Variants in HENMT1 observed in about 807,000 individuals in gnomAD.
HENMT1 encodes small RNA 2'-O-methyltransferase.
A neutral mutation model predicts 31.1 loss-of-function variants in HENMT1; 27 were observed. The observed-to-expected ratio is 0.87, with a 90% CI of 0.64 to 1.20. The LOEUF (loss-of-function observed/expected upper bound fraction) is 1.20, where lower values mean the gene tolerates loss of function less well. Ranked by LOEUF, HENMT1 falls within the 50% of genes most tolerant of loss-of-function variation. The pLI is 0.00. For synonymous variants in HENMT1, 167 were observed against 172.2 expected (o/e 0.97, Z 0.24); for missense variants, 438 against 469.6 (o/e 0.93, Z 0.62).
At chr1:108,660,121 C>CAAAAAAAAAA (rs34387673) in intron 1 of HENMT1, among the ~76,000 whole-genome samples, 159 bp from the exon 2 acceptor site, 2 of 125,972 alleles carry the variant, frequency 1.6e-5, no homozygotes, top group Admixed American at 8.0e-5. Flanking sequence ...TCTGAGTACT[C>CAAAAAAAAAA]AAAAAAAAAA....
intron 1 of HENMT1, among the ~76,000 whole-genome samples, chr1:108,660,383 T>A (rs1306352523): frequency 6.6e-6 from 1 of 152,110 alleles, no homozygotes; most frequent in Admixed American, 6.5e-5. Context: ...AACGGAGCAA[T>A]CTTAGGAGTT....
rs1657948455 is a variant in HENMT1 at position 108,648,656 on chromosome 1, T to C, written c.1092A>G (p.Ser364=). ...TCAGAGGAATTGAGTCAGCAATGAC[T>C]GATCTCATCATCTCTTCATTAGCAC... is the stretch of plus-strand genomic sequence containing the variant. The part of the protein sequence containing the change: ...RLCANEEMMR[S]VIADSIPLSS... The change falls in exon 8 of 8, where the codon TCA becomes TCG. Residue 364 remains serine (S), a synonymous_variant. Transcript: ENST00000651461. 2 of 1,614,224 alleles carry C rather than the reference T, an allele frequency of 1.2e-6. No individual in the cohort carries two copies. Among genetic ancestry groups the C allele is most frequent in the East Asian group, 2.2e-5 (1 of 44,890 alleles).
At chr1:108,659,625 A>C (rs1284825976) in intron 2 of HENMT1, among the ~76,000 whole-genome samples, 1 of 152,190 alleles carries the variant, frequency 6.6e-6, no homozygotes, top group Non-Finnish European at 1.5e-5. Flanking sequence ...AACACTACTT[A>C]GAGTGTTTTT....
In HENMT1 at chr1:108,659,960, C is replaced by A; in HGVS notation, c.-76G>T. The A allele has an allele frequency of 6.6e-7, 1 of 1,508,828 alleles. No homozygotes were observed. Among genetic ancestry groups the A allele is most frequent in the Non-Finnish European group, 8.8e-7 (1 of 1,130,768 alleles). 93.5% of individuals were successfully genotyped at this position (1,508,828 alleles called of 1,614,324 possible). On this transcript the variant is annotated splice_region_variant and 5_prime_UTR_variant, in exon 2 of 8. Transcript: ENST00000651461. ...CTATTTGAGAGAATCAGCACTGACT[C>A]AGCTGTAATAAATACAAAACCGTTT...
At chr1:108,649,902 C>T (rs145222405) in intron 7 of HENMT1, 6 of 418,616 alleles carry the variant, frequency 1.4e-5, no homozygotes, top group African/African-American at 1.0e-4. Flanking sequence ...AATCTTTCTA[C>T]CTTGGCCTCC....
At chr1:108,650,528 AC>A in intron 6 of HENMT1, 140 bp from the exon 7 acceptor site, 1 of 729,532 alleles carries the variant, frequency 1.4e-6, no homozygotes, top group African/African-American at 1.8e-5. Context: ...ATTCCTAACC[AC>A]CAGTGTATTT....
intron 2 of HENMT1, among the ~76,000 whole-genome samples, chr1:108,658,445 AAGAG>A (rs951471252): frequency 5.3e-5 from 8 of 151,930 alleles, no homozygotes; most frequent in African/African-American, 1.7e-4. Flanking sequence ...CACTCTTTTT[AAGAG>A]AGAGAGAGGA....
At chr1:108,650,445 A>C in intron 6 of HENMT1, 57 bp from the exon 7 acceptor site, 1 of 1,465,450 alleles carries the variant, frequency 6.8e-7, no homozygotes, top group East Asian at 2.3e-5. Context: ...ACTGTTAAAT[A>C]AGGAACCATT....
intron 5 of HENMT1, among the ~76,000 whole-genome samples, chr1:108,652,482 A>T (rs1658085327): frequency 6.6e-6 from 1 of 152,232 alleles, no homozygotes; most frequent in Non-Finnish European, 1.5e-5. Context: ...AATTCCTTGG[A>T]CCATTCCTGC....
chr1:108,658,620 T>C (rs1658342579), intron 2 of HENMT1, among the ~76,000 whole-genome samples: 2 of 152,186 alleles, frequency 1.3e-5, no homozygotes, highest in South Asian at 4.1e-4. Context: ...GCCATCTTCT[T>C]GAATAGACCT....
At chr1:108,657,634 TTAAA>T in intron 2 of HENMT1, 55 bp from the exon 3 acceptor site, 1 of 1,550,470 alleles carries the variant, frequency 6.4e-7, no homozygotes, top group African/African-American at 1.4e-5. Context: ...ACTTCAGAAA[TTAAA>T]TAAGGGGCAA....
intron 7 of HENMT1, 156 bp downstream of exon 7, chr1:108,650,055 G>C (rs779088424): frequency 2.7e-6 from 2 of 736,266 alleles, no homozygotes; most frequent in Admixed American, 3.9e-5. Flanking sequence ...AGGCTAACTC[G>C]GACAGTAGTC....
In HENMT1 at chr1:108,651,118, T is replaced by A; in HGVS notation, c.490A>T (p.Asn164Tyr). Residue 164 changes from asparagine to tyrosine, a missense_variant, in exon 6 of 8, where the codon AAC becomes TAC. Asn to Tyr is a moderately radical substitution (Grantham distance 143). Coordinates refer to ENST00000651461, the MANE Select transcript of HENMT1 (RefSeq NM_001102592.2). ...GGAAACAGGGGATTGAATTCAGAGT[T>A]TGGTGTGCTGATGACAATCATGGAT... ...SPSMIVISTPNSEFNPLFPSV... is the reference protein window; with the variant it reads ...SPSMIVISTPYSEFNPLFPSV... 1 of 1,613,924 alleles carries A rather than the reference T, an allele frequency of 6.2e-7. No homozygotes were observed. The highest frequency in any genetic ancestry group is 8.5e-7 in the Non-Finnish European group (1 of 1,179,804).
rs1373123412 is a variant in HENMT1, at chr1:108,648,613, C to A, written c.1135G>T (p.Val379Leu). 2 of 1,614,122 alleles carry A rather than the reference C, an allele frequency of 1.2e-6. No individual in the cohort carries two copies. The highest frequency in any genetic ancestry group is 1.7e-6 in the Non-Finnish European group (2 of 1,180,042). Residue 379 changes from valine (V) to leucine (L), a missense_variant, in exon 8 of 8, where the codon GTG becomes TTG. Transcript: ENST00000651461. ...AAATAATTACGCAGGTCAGCCACCACTGCAGAACCATCACTGCTCAGAGGA... is the reference window on the plus strand; with the variant it reads ...AAATAATTACGCAGGTCAGCCACCAATGCAGAACCATCACTGCTCAGAGGA... ...SIPLSSDGSA[V>L]VADLRNYFDE... is the part of the protein sequence containing the mutation.
In HENMT1 at chr1:108,650,278, C is replaced by T. The variant is rs35974434; in HGVS notation, c.689G>A (p.Arg230Gln). The T allele has an allele frequency of 1.5e-3, 2,367 of 1,614,094 alleles. 37 individuals carry two copies. In the African/African-American group the frequency reaches 0.027, roughly 18 times the overall value. Residue 230 changes from arginine to glutamine, a missense_variant, in exon 7 of 8, where the codon CGG (arginine) becomes CAG (glutamine). By Grantham distance (43) the Arg-to-Gln change is conservative. Coordinates refer to ENST00000651461, the MANE Select transcript of HENMT1 (RefSeq NM_001102592.2). ...VGYCTQIGIF[R>Q]KNGGKATESC... is the part of the protein sequence containing the mutation. ...TTCTGTTGCCTTTCCTCCATTTTTC[C>T]GGAAGATTCCTATCTGGGTACAGTA...
At chr1:108,649,048 T>G (rs902339702) in intron 7 of HENMT1, 57 bp from the exon 8 acceptor site, 5 of 1,399,608 alleles carry the variant, frequency 3.6e-6, no homozygotes, top group Admixed American at 2.6e-5. Context: ...ATACATAAAT[T>G]TTCAAAGCCA....
chr1:108,657,151 C>A (rs1658269016), intron 3 of HENMT1, among the ~76,000 whole-genome samples: 1 of 152,146 alleles, frequency 6.6e-6, no homozygotes, highest in Non-Finnish European at 1.5e-5. Context: ...CTTCTTCCCC[C>A]AGGGCCCTGC....
At position 108,657,360 on chromosome 1, in the gene HENMT1, A is replaced by C; in HGVS notation, c.150+91T>G. 4.5e-6 allele frequency: 4 copies of C among 885,132 alleles called. 1 individual carries two copies. Among genetic ancestry groups the C allele is most frequent in the Non-Finnish European group, 7.2e-6 (4 of 557,356 alleles). The allele number at this position is 885,132 out of a possible 1,614,324, so 54.8% of individuals were successfully genotyped here. ...CCCTATTGCAATAACCCCTGTGAAA[A>C]GTCTCTCCATACTAATCCATTTGAC... is the stretch of plus-strand genomic sequence containing the variant. On this transcript the variant is annotated intron_variant, in intron 3 of 7. Coordinates refer to ENST00000651461, the MANE Select transcript of HENMT1 (RefSeq NM_001102592.2).
chr1:108,652,399 T>C (rs191981161), intron 5 of HENMT1, among the ~76,000 whole-genome samples: 13 of 152,322 alleles, frequency 8.5e-5, no homozygotes, highest in African/African-American at 2.2e-4. Context: ...TAGAAAGTTA[T>C]ATTTAGGGAA....
Sources: allele counts gnomAD v4.1 joint callset (sites outside exome capture counted in the v4.1 genomes callset), GRCh38; gene constraint gnomAD v4.1.1; transcripts MANE v1.5; gene names NCBI Gene and HGNC (gene_info 2026-07-23, HGNC 2026-07-21).